ZSWIM5: variants seen among roughly 807,000 people sequenced by gnomAD.
The protein encoded by ZSWIM5 is zinc finger SWIM domain-containing protein 5.
In ZSWIM5, 55 loss-of-function variants were observed where a neutral mutation model predicts 119.6. That is an observed-to-expected ratio of 0.46 (90% CI 0.37 to 0.58). The LOEUF (loss-of-function observed/expected upper bound fraction) is 0.58, where lower values mean the gene tolerates loss of function less well. Ranked by LOEUF, ZSWIM5 falls within the 20% of genes least tolerant of loss-of-function variation. The pLI is 0.00. For synonymous variants in ZSWIM5, 537 were observed against 606.9 expected, an observed-to-expected ratio of 0.88 and a Z score of 1.69; for missense variants, 1,193 against 1,512.8, an observed-to-expected ratio of 0.79 and a Z score of 3.51.
At chr1:45,045,693 A>G (rs1225713726) in intron 5 of ZSWIM5, among the ~76,000 whole-genome samples, 4 of 152,146 alleles carry the variant, frequency 2.6e-5, no homozygotes, top group Non-Finnish European at 5.9e-5. Flanking sequence ...GGCTCCCAAT[A>G]TATTTTTAAA....
At chr1:45,203,306 T>C (rs1489507289) in intron 1 of ZSWIM5, among the ~76,000 whole-genome samples, 1 of 151,972 alleles carries the variant, frequency 6.6e-6, no homozygotes, top group Non-Finnish European at 1.5e-5. Context: ...TTTCCACAAG[T>C]TTTTGTTTGT....
intron 1 of ZSWIM5, among the ~76,000 whole-genome samples, chr1:45,185,885 G>C (rs1646054983): frequency 1.3e-5 from 2 of 152,166 alleles, no homozygotes. Flanking sequence ...ATTTGACCCA[G>C]CCATCCCATT....
chr1:45,170,504 A>C (rs998644051), intron 1 of ZSWIM5, among the ~76,000 whole-genome samples: 6 of 151,300 alleles, frequency 4.0e-5, no homozygotes, highest in African/African-American at 1.5e-4. Flanking sequence ...GACTCACTGC[A>C]ACTTTGAACT....
intron 1 of ZSWIM5, among the ~76,000 whole-genome samples, chr1:45,202,128 T>C (rs1328241296): frequency 6.6e-6 from 1 of 152,148 alleles, no homozygotes; most frequent in African/African-American, 2.4e-5. Flanking sequence ...TGTGATGGAA[T>C]ACCTTAAATA....
intron 11 of ZSWIM5, among the ~76,000 whole-genome samples, chr1:45,033,219 T>C (rs562261423): frequency 1.3e-5 from 2 of 152,356 alleles, no homozygotes; most frequent in Admixed American, 6.5e-5. Context: ...ATTTTAGTTG[T>C]CTAAAAACGA....
intron 5 of ZSWIM5, 29 bp from the exon 6 acceptor site, chr1:45,043,424 A>G (rs778168226): frequency 5.0e-6 from 8 of 1,605,598 alleles, no homozygotes; most frequent in Non-Finnish European, 6.8e-6. Context: ...GCAGCAGTAC[A>G]GTGACAGGCA....
At position 45,206,358 on chromosome 1, in the gene ZSWIM5, G is replaced by T; in HGVS notation, c.-8C>A. Reference sequence around the variant, plus strand: ...CTCACCTCCGTCCGCCATTGCTGGGGACTGACTGACTGACTGAGGCGGCGG... The same window carrying T: ...CTCACCTCCGTCCGCCATTGCTGGGTACTGACTGACTGACTGAGGCGGCGG... On this transcript the variant is annotated 5_prime_UTR_variant, in exon 1 of 14. Coordinates refer to ENST00000359600, the MANE Select transcript of ZSWIM5 (RefSeq NM_020883.2). The T allele has an allele frequency of 7.2e-7, 1 of 1,384,856 alleles. No individual in the cohort carries two copies. Among genetic ancestry groups the T allele is most frequent in the African/African-American group, 1.5e-5 (1 of 66,232 alleles). 85.8% of individuals were successfully genotyped at this position (1,384,856 alleles called of 1,614,324 possible).
At chr1:45,147,940 G>T (rs1645772500) in intron 1 of ZSWIM5, among the ~76,000 whole-genome samples, 1 of 152,140 alleles carries the variant, frequency 6.6e-6, no homozygotes, top group Non-Finnish European at 1.5e-5. Context: ...AGATGGATAT[G>T]GCAAATCCAG....
rs1400329240 is a variant in ZSWIM5, at chr1:45,044,782, T to A, written c.1433-1387A>T. Among the ~76,000 whole-genome samples, 62 of 6,652 alleles carry A rather than the reference T, an allele frequency of 9.3e-3. 16 individuals carry two copies. Among genetic ancestry groups the A allele is most frequent in the South Asian group, 0.017 (2 of 116 alleles). The allele number at this position is 6,652 out of a possible 152,430, so 4.4% of individuals were successfully genotyped here. A position where few individuals can be genotyped will look rare whatever the true frequency, so the allele number is the denominator to read the frequency against. On this transcript the variant is annotated intron_variant, in intron 5 of 13. Coordinates refer to ENST00000359600, the MANE Select transcript of ZSWIM5 (RefSeq NM_020883.2). The stretch of plus-strand genomic sequence containing the variant: ...ATATATATATATATATATAAATATA[T>A]ATATATAAATATATATATATAAATA...
intron 1 of ZSWIM5, among the ~76,000 whole-genome samples, chr1:45,169,434 T>C (rs1170556131): frequency 3.3e-5 from 5 of 152,072 alleles, no homozygotes; most frequent in Non-Finnish European, 7.4e-5. Flanking sequence ...TTAAAAAAGA[T>C]ATGTAACTTA....
chr1:45,074,602 G>T (rs1645245017), intron 2 of ZSWIM5, among the ~76,000 whole-genome samples: 1 of 151,398 alleles, frequency 6.6e-6, no homozygotes, highest in South Asian at 2.1e-4. Context: ...TATTTATTTG[G>T]GTCATCTCTC....
At chr1:45,066,797 A>G (rs1221071975) in intron 2 of ZSWIM5, among the ~76,000 whole-genome samples, 21 of 152,228 alleles carry the variant, frequency 1.4e-4, no homozygotes, top group Admixed American at 6.6e-5. Flanking sequence ...GGAAATTGAA[A>G]GATCAGTTAG....
chr1:45,037,325 G>A (rs1023429951), intron 8 of ZSWIM5, among the ~76,000 whole-genome samples: 1 of 151,966 alleles, frequency 6.6e-6, no homozygotes, highest in African/African-American at 2.4e-5. Flanking sequence ...TGGCCAGGCT[G>A]GTCTCCAACT....
rs114453138 is a variant in ZSWIM5 at position 45,158,025 on chromosome 1, T to C, written c.595+47731A>G. Among the ~76,000 whole-genome samples the C allele has an allele frequency of 8.1e-3, 1,230 of 152,296 alleles. 7 individuals are homozygous for C. Among genetic ancestry groups the C allele is most frequent in the Middle Eastern group, 0.014 (4 of 294 alleles). ...TCTTATTGAGTTTTCTTTTTATAAT[T>C]GAGTTGTTAGCATTCTTTAGCTATC... On this transcript the variant is annotated intron_variant, in intron 1 of 13. Transcript: ENST00000359600.
intron 1 of ZSWIM5, among the ~76,000 whole-genome samples, chr1:45,201,654 ACT>A (rs1361621922): frequency 2.0e-5 from 3 of 152,200 alleles, no homozygotes; most frequent in African/African-American, 7.2e-5. Context: ...AATAAAATTC[ACT>A]CTCTTTAGTT....
chr1:45,157,262 C>A (rs552810726), intron 1 of ZSWIM5, among the ~76,000 whole-genome samples: 1 of 152,098 alleles, frequency 6.6e-6, no homozygotes. Flanking sequence ...GCAGCCTCGA[C>A]CTCCTGGGCT....
intron 5 of ZSWIM5, among the ~76,000 whole-genome samples, chr1:45,043,780 G>C (rs1645030669): frequency 6.6e-6 from 1 of 150,938 alleles, no homozygotes; most frequent in African/African-American, 2.4e-5. Context: ...CTTCTATCAA[G>C]GTCAAAGGTA....
chr1:45,205,921 CG>C lies in ZSWIM5; in HGVS notation c.429del (p.Ala145ProfsTer58), dbSNP rs1215684256. The C allele has an allele frequency of 8.2e-6, 9 of 1,099,796 alleles. No individual in the cohort carries two copies. The highest frequency in any genetic ancestry group is 7.7e-6 in the Non-Finnish European group (7 of 904,060). The allele number at this position is 1,099,796 out of a possible 1,614,324, so 68.1% of individuals were successfully genotyped here. On this transcript the variant is annotated frameshift_variant, in exon 1 of 14. Transcript: ENST00000359600. LOFTEE classifies it high-confidence loss of function. Reference sequence around the variant, plus strand: ...GCGGAGCCGGCCGGAGCGGCGGCCCCGGGGGGTGGCTGCGGCCCCTCCTCGG... The same window carrying C: ...GCGGAGCCGGCCGGAGCGGCGGCCCCGGGGGTGGCTGCGGCCCCTCCTCGG... ...SPAEEGPQPP[P>X]GAAAPAGSAP... is the part of the protein sequence containing the mutation.
chr1:45,151,375 TG>T (rs1219673392), intron 1 of ZSWIM5, among the ~76,000 whole-genome samples: 1 of 152,154 alleles, frequency 6.6e-6, no homozygotes, highest in East Asian at 1.9e-4. Context: ...TATGGCTTGA[TG>T]GATGTTTGCA....
Sources: allele counts gnomAD v4.1 joint callset (sites outside exome capture counted in the v4.1 genomes callset), GRCh38; gene constraint gnomAD v4.1.1; transcripts MANE v1.5; gene names NCBI Gene and HGNC (gene_info 2026-07-23, HGNC 2026-07-21).